The following SDF2 variants were observed in gnomAD, a reference collection of about 807,000 sequenced individuals.
The protein encoded by SDF2 is stromal cell derived factor 2, also known as stromal cell-derived factor 2.
A neutral mutation model predicts 20.5 loss-of-function variants in SDF2; 12 were observed. The ratio of observed to expected loss-of-function variants is 0.58; its 90% CI spans 0.37 to 0.95. The LOEUF (loss-of-function observed/expected upper bound fraction) is 0.95, where lower values mean the gene tolerates loss of function less well. SDF2 is among the 40% of genes least tolerant of loss of function. The pLI, the probability that SDF2 is intolerant of heterozygous loss-of-function variation, is 0.01. For missense variants in SDF2, 238 were observed against 263.1 expected (o/e 0.90, Z 0.66); for synonymous variants, 100 against 101.0 (o/e 0.99, Z 0.06).
upstream of SDF2, chr17:28,662,155 G>GA: frequency 2.9e-6 from 1 of 343,812 alleles, no homozygotes; most frequent in East Asian, 5.0e-5. Context: ...GAGAGAACAA[G>GA]AAATGGCCCG....
Position 28,657,543 on chromosome 17 carries a change from G to A in SDF2, c.152-2060C>T, listed in dbSNP as rs547923244. On this transcript the variant is annotated intron_variant, in intron 1 of 2. Transcript: ENST00000247020. ...CTCCCAAGTAGCTGGGATTTCAGGC[G>A]CCTGCCACCACACCTGGCTAATTTT... is the stretch of plus-strand genomic sequence containing the variant. Among the ~76,000 whole-genome samples the A allele has an allele frequency of 1.1e-4, 16 of 151,926 alleles. No individual in the cohort carries two copies. In the South Asian group the frequency reaches 2.3e-3, roughly 22 times the overall value.
chr17:28,661,192 CTG>C, intron 1 of SDF2: 1 of 452,592 alleles, frequency 2.2e-6, no homozygotes, highest in South Asian at 1.6e-5. Flanking sequence ...AAGATGGAAA[CTG>C]AGGAGCAAGT....
intron 2 of SDF2, among the ~76,000 whole-genome samples, chr17:28,649,764 AT>A (rs892863557): frequency 3.3e-5 from 5 of 150,808 alleles, no homozygotes; most frequent in African/African-American, 1.2e-4. Context: ...AAAAAAAGAA[AT>A]TAGCTGGGCA....
At chr17:28,651,309 C>T (rs1042700277) in intron 2 of SDF2, among the ~76,000 whole-genome samples, 3 of 152,212 alleles carry the variant, frequency 2.0e-5, no homozygotes, top group Non-Finnish European at 4.4e-5. Flanking sequence ...AGTGATCCAC[C>T]TACCTCAGCG....
At chr17:28,651,929 A>G (rs74754371) in intron 2 of SDF2, among the ~76,000 whole-genome samples, 10,916 of 152,220 alleles carry the variant, frequency 0.072, 1,138 homozygotes, top group African/African-American at 0.23. Flanking sequence ...AAGGTATCTT[A>G]CTGTTGGAGT....
At position 28,648,860 on chromosome 17, in the gene SDF2, C is replaced by A; in HGVS notation, c.*129G>T. 2 of 912,944 alleles carry A rather than the reference C, an allele frequency of 2.2e-6. No homozygotes were observed. Among genetic ancestry groups the A allele is most frequent in the Non-Finnish European group, 3.4e-6 (2 of 594,304 alleles). 56.6% of individuals were successfully genotyped at this position (912,944 alleles called of 1,614,324 possible). A position where few individuals can be genotyped will look rare whatever the true frequency, so the allele number is the denominator to read the frequency against. On this transcript the variant is annotated 3_prime_UTR_variant, in exon 3 of 3. Transcript: ENST00000247020. ...AGCTTCCAAACACAGCCACTATTTT[C>A]TGTTGTATATCTTCATCTCAATGGT...
chr17:28,658,738 G>A (rs1046894931), intron 1 of SDF2, among the ~76,000 whole-genome samples: 4 of 151,962 alleles, frequency 2.6e-5, no homozygotes, highest in South Asian at 2.1e-4. Context: ...AACCGCCATC[G>A]TCATCATGGC....
rs942284192 is a variant in SDF2, at chr17:28,655,347, A to C, written c.288T>G (p.His96Gln). ...TATGGAGGTTTCGGCCAGTGTTGAC[A>C]TGTGTCAGCCGGATGGGCTGGCCAC... The part of the protein sequence containing the change: ...IKCGQPIRLT[H>Q]VNTGRNLHSH... Residue 96 changes from histidine (H) to glutamine (Q), a missense_variant, in exon 2 of 3, where the codon CAT becomes CAG. Physicochemically the swap from His to Gln is conservative, Grantham distance 24 (BLOSUM62 0). Transcript: ENST00000247020. 9 of 1,614,122 alleles carry C rather than the reference A, an allele frequency of 5.6e-6. No individual in the cohort carries two copies. The highest frequency in any genetic ancestry group is 7.6e-6 in the Non-Finnish European group (9 of 1,180,040).
intron 1 of SDF2, chr17:28,660,723 G>C (rs2072022349): frequency 6.4e-6 from 1 of 155,432 alleles, no homozygotes; most frequent in Non-Finnish European, 1.4e-5. Context: ...TGCCTAGTCT[G>C]ACTGATCAGA....
chr17:28,655,158 A>G, intron 2 of SDF2, 129 bp downstream of exon 2: 1 of 851,160 alleles, frequency 1.2e-6, no homozygotes, highest in Non-Finnish European at 1.9e-6. Context: ...ACAAAAATAG[A>G]GCCATTTCCC....
rs539265551 is a variant in SDF2, at chr17:28,650,048, G to A, written c.349-772C>T. ...GCTCACCACAACCTCCGCCTCCCAG[G>A]TTCAAGTGATTTTCCTGCCTCAGCC... On this transcript the variant is annotated intron_variant, in intron 2 of 2. Coordinates refer to ENST00000247020, the MANE Select transcript of SDF2 (RefSeq NM_006923.4). 1.8e-3 allele frequency among the ~76,000 whole-genome samples: 275 copies of A among 151,974 alleles called. 1 individual carries two copies. The highest frequency in any genetic ancestry group is 2.9e-3 in the Non-Finnish European group (199 of 67,964).
At chr17:28,649,649 G>A (rs79835395) in intron 2 of SDF2, among the ~76,000 whole-genome samples, 23 of 150,442 alleles carry the variant, frequency 1.5e-4, no homozygotes, top group Non-Finnish European at 2.1e-4. Flanking sequence ...CAGGAGAATC[G>A]CTTGAACCCG....
In SDF2 at chr17:28,648,765, A is replaced by C; in HGVS notation, c.*224T>G. The stretch of plus-strand genomic sequence containing the variant: ...AAAAGCATCTGCCCCTTTACCAGCA[A>C]GTCCTCTACTCAGAAAGAACTGACC... On this transcript the variant is annotated 3_prime_UTR_variant, in exon 3 of 3. Transcript: ENST00000247020. 1 of 580,360 alleles carries C rather than the reference A, an allele frequency of 1.7e-6. No individual in the cohort carries two copies. The highest frequency in any genetic ancestry group is 3.1e-6 in the Non-Finnish European group (1 of 325,874). The allele number at this position is 580,360 out of a possible 1,614,324, so 36.0% of individuals were successfully genotyped here.
chr17:28,655,497 A>G lies in SDF2; in HGVS notation c.152-14T>C. Reference sequence around the variant, plus strand: ...GCTGCCCACTACCTGCAGTTAAGAAAAGAAAGGCAACTCTCTTTCTCTGCC... The same window carrying G: ...GCTGCCCACTACCTGCAGTTAAGAAGAGAAAGGCAACTCTCTTTCTCTGCC... On this transcript the variant is annotated splice_polypyrimidine_tract_variant and intron_variant, in intron 1 of 2. Coordinates refer to ENST00000247020, the MANE Select transcript of SDF2 (RefSeq NM_006923.4). The G allele has an allele frequency of 6.4e-7, 1 of 1,567,932 alleles. No homozygotes were observed. Among genetic ancestry groups the G allele is most frequent in the South Asian group, 1.2e-5 (1 of 83,994 alleles).
In SDF2 at chr17:28,648,712, C is replaced by T. The variant is rs957313614; in HGVS notation, c.*277G>A. 2.2e-6 allele frequency: 1 copy of T among 459,304 alleles called. No homozygotes were observed. Among genetic ancestry groups the T allele is most frequent in the South Asian group, 3.2e-5 (1 of 31,280 alleles). The allele number at this position is 459,304 out of a possible 1,614,324, so 28.5% of individuals were successfully genotyped here. The stretch of plus-strand genomic sequence containing the variant: ...AGTTTCCCAGCTAAGAGGGATGTTT[C>T]CCTCAGTTTGTTTTATCAGTACTAA... On this transcript the variant is annotated 3_prime_UTR_variant, in exon 3 of 3. Transcript: ENST00000247020.
rs2071924631 is a variant in SDF2, at chr17:28,652,662, AC to A, written c.348+2624del. On this transcript the variant is annotated intron_variant, in intron 2 of 2. Coordinates refer to ENST00000247020, the MANE Select transcript of SDF2 (RefSeq NM_006923.4). ...GCCTAAAAGAAACACTCCAGTAGCA[AC>A]AAGCTTACATAAGGCCTAGAACTTG... 2.6e-5 allele frequency among the ~76,000 whole-genome samples: 4 copies of A among 152,324 alleles called. No individual in the cohort carries two copies. The South Asian group carries it at 8.3e-4, about 32-fold the overall frequency.
chr17:28,658,689 CTT>C (rs1262610338), intron 1 of SDF2, among the ~76,000 whole-genome samples: 2 of 152,088 alleles, frequency 1.3e-5, no homozygotes, highest in Admixed American at 6.6e-5. Flanking sequence ...TCTGATCTCT[CTT>C]TCTTTTCCCC....
intron 2 of SDF2, among the ~76,000 whole-genome samples, chr17:28,649,820 A>G (rs985891420): frequency 1.3e-5 from 2 of 151,374 alleles, no homozygotes; most frequent in African/African-American, 2.4e-5. Context: ...GCTATCACCT[A>G]AGTCCAGGGG....
rs367960833 is a variant in SDF2, at chr17:28,648,961, C to T, written c.*28G>A. The T allele has an allele frequency of 2.4e-5, 38 of 1,607,642 alleles. No homozygotes were observed. The highest frequency in any genetic ancestry group is 3.1e-5 in the Non-Finnish European group (36 of 1,176,018). On this transcript the variant is annotated 3_prime_UTR_variant, in exon 3 of 3. Transcript: ENST00000247020. ...GCAACAGATGTCTGTGAACATTGTG[C>T]GTTAACAGTGGCTCAGAGCCTCTAG...
Sources: allele counts gnomAD v4.1 joint callset (sites outside exome capture counted in the v4.1 genomes callset), GRCh38; gene constraint gnomAD v4.1.1; transcripts MANE v1.5; gene names NCBI Gene and HGNC (gene_info 2026-07-23, HGNC 2026-07-21).